Variants in HYCC2 observed in about 807,000 individuals in gnomAD.
HYCC2 encodes hyccin PI4KA lipid kinase complex subunit 2.
the HYCC2 span, chr2:201,063,876 T>G: frequency 6.3e-7 from 1 of 1,594,450 alleles, no homozygotes; most frequent in East Asian, 2.2e-5. Flanking sequence ...TACAATGATT[T>G]TGGCAATTAC....
chr2:201,063,912 C>T, the HYCC2 span: 2 of 1,596,680 alleles, frequency 1.3e-6, no homozygotes, highest in East Asian at 2.2e-5. Context: ...AATTTTGGAC[C>T]CGTGAAGGGA....
chr2:201,027,453 A>C, the HYCC2 span, among the ~76,000 whole-genome samples: 2 of 152,210 alleles, frequency 1.3e-5, no homozygotes, highest in African/African-American at 2.4e-5. Flanking sequence ...AATCCTCCCT[A>C]ACTCATTTTA....
chr2:200,977,879 A>G, the HYCC2 span: 1 of 152,126 alleles, frequency 6.6e-6, no homozygotes, highest in Non-Finnish European at 1.5e-5. Flanking sequence ...TGAGTTAACT[A>G]TTCACTTTGC....
chr2:201,050,519 T>C, the HYCC2 span, among the ~76,000 whole-genome samples: 5 of 147,604 alleles, frequency 3.4e-5, no homozygotes, highest in African/African-American at 1.0e-4. Context: ...TTGAACCCAG[T>C]AGGCAGAGGT....
At chr2:200,998,039 A>AAATC in the HYCC2 span, among the ~76,000 whole-genome samples, 13 of 152,190 alleles carry the variant, frequency 8.5e-5, no homozygotes, top group South Asian at 4.1e-4. Flanking sequence ...CCATCTCAAA[A>AAATC]AATCAATCAA....
the HYCC2 span, among the ~76,000 whole-genome samples, chr2:201,032,425 G>C: frequency 6.6e-6 from 1 of 152,002 alleles, no homozygotes; most frequent in East Asian, 1.9e-4. Flanking sequence ...ATCCTCAGGA[G>C]AATTTATAAA....
At chr2:200,994,384 A>G in the HYCC2 span, among the ~76,000 whole-genome samples, 9 of 152,140 alleles carry the variant, frequency 5.9e-5, no homozygotes, top group Middle Eastern at 3.4e-3. Flanking sequence ...CAAGTAGTGG[A>G]CTACAGGCAT....
chr2:201,054,981 A>AT, the HYCC2 span, among the ~76,000 whole-genome samples: 1 of 152,288 alleles, frequency 6.6e-6, no homozygotes, highest in African/African-American at 2.4e-5. Context: ...GAATTTTAGA[A>AT]TAAACCTTTC....
At chr2:200,998,596 G>A in the HYCC2 span, among the ~76,000 whole-genome samples, 4 of 152,130 alleles carry the variant, frequency 2.6e-5, no homozygotes, top group South Asian at 8.3e-4. Context: ...ATACATAATT[G>A]TTTAATAAAT....
chr2:201,066,026 T>G, the HYCC2 span, among the ~76,000 whole-genome samples: 1 of 152,198 alleles, frequency 6.6e-6, no homozygotes. Context: ...TGTAAAATAC[T>G]GCAAATTCAA....
the HYCC2 span, among the ~76,000 whole-genome samples, chr2:201,062,246 T>C: frequency 1.3e-5 from 2 of 152,104 alleles, no homozygotes; most frequent in African/African-American, 4.8e-5. Flanking sequence ...TGGCCAGACA[T>C]GGTGGCTCCA....
At chr2:201,033,798 C>T in the HYCC2 span, among the ~76,000 whole-genome samples, 7 of 152,056 alleles carry the variant, frequency 4.6e-5, no homozygotes, top group African/African-American at 1.7e-4. Context: ...CTCGGCCTCT[C>T]AAAGTGCTGA....
the HYCC2 span, among the ~76,000 whole-genome samples, chr2:200,993,422 C>A: frequency 6.6e-6 from 1 of 152,134 alleles, no homozygotes; most frequent in Admixed American, 6.5e-5. Context: ...GTCTGTGAGG[C>A]CATTTTTAAA....
the HYCC2 span, chr2:201,008,943 G>T: frequency 1.5e-6 from 2 of 1,300,418 alleles, no homozygotes; most frequent in South Asian, 1.2e-5. Context: ...ATACATACAA[G>T]TTGTTACTAT....
the HYCC2 span, chr2:200,974,299 G>A: frequency 6.6e-6 from 1 of 151,586 alleles, no homozygotes; most frequent in East Asian, 1.9e-4. Context: ...TAATATCATT[G>A]TGACAGAGAT....
At chr2:201,011,495 G>A in the HYCC2 span, 10 of 1,137,902 alleles carry the variant, frequency 8.8e-6, no homozygotes, top group South Asian at 2.2e-4. Context: ...AATATACAAA[G>A]ATAATGAAAT....
At chr2:201,065,051 C>A in the HYCC2 span, among the ~76,000 whole-genome samples, 1 of 152,220 alleles carries the variant, frequency 6.6e-6, no homozygotes, top group African/African-American at 2.4e-5. Flanking sequence ...TAGGTAGACT[C>A]ATGTAATTAC....
chr2:201,003,805 CTTT>C, the HYCC2 span, among the ~76,000 whole-genome samples: 15 of 66,364 alleles, frequency 2.3e-4, no homozygotes, highest in African/African-American at 6.4e-4. Flanking sequence ...GTTGTTGTTG[CTTT>C]TTTTTTTTTT....
At chr2:201,031,776 T>A in the HYCC2 span, among the ~76,000 whole-genome samples, 1 of 152,226 alleles carries the variant, frequency 6.6e-6, no homozygotes. Context: ...TGATATTAGA[T>A]TAAAATCTAA....
Sources: allele counts gnomAD v4.1 joint callset (sites outside exome capture counted in the v4.1 genomes callset), GRCh38; gene constraint gnomAD v4.1.1; transcripts MANE v1.5; gene names NCBI Gene and HGNC (gene_info 2026-07-23, HGNC 2026-07-21).